The following DDX60L variants were observed in gnomAD, a reference collection of about 807,000 sequenced individuals.
DDX60L encodes DExD/H-box 60 like.
Under a neutral mutation model 211.6 loss-of-function variants are expected in DDX60L, and 191 were observed. The observed-to-expected ratio is 0.90, with a 90% CI of 0.80 to 1.02. The LOEUF (loss-of-function observed/expected upper bound fraction) is 1.02. Ranked by LOEUF, DDX60L falls within the 50% of genes least tolerant of loss-of-function variation. DDX60L has a pLI of 0.00. For synonymous variants in DDX60L, 706 were observed against 694.1 expected (o/e 1.02, Z -0.27); for missense variants, 2,007 against 1,984.1 (o/e 1.01, Z -0.22).
rs1171747891 is a variant in DDX60L at position 168,432,585 on chromosome 4, A to G, written c.1401-15T>C. On this transcript the variant is annotated splice_polypyrimidine_tract_variant and intron_variant, in intron 11 of 37. Coordinates refer to ENST00000682922, the MANE Select transcript of DDX60L (RefSeq NM_001012967.3). The stretch of plus-strand genomic sequence containing the variant: ...CCGGATCATCACTGTAAAAATAAAT[A>G]CATAATTTTTTTAAATTTTAAGCTT... The G allele has an allele frequency of 1.4e-6, 2 of 1,453,464 alleles. No homozygotes were observed. Among genetic ancestry groups the G allele is most frequent in the Non-Finnish European group, 1.8e-6 (2 of 1,083,190 alleles). The allele number at this position is 1,453,464 out of a possible 1,614,324, so 90.0% of individuals were successfully genotyped here. A position where few individuals can be genotyped will look rare whatever the true frequency, so the allele number is the denominator to read the frequency against.
chr4:168,402,208 G>T (rs1222442351), intron 25 of DDX60L, among the ~76,000 whole-genome samples: 1 of 146,314 alleles, frequency 6.8e-6, no homozygotes, highest in Non-Finnish European at 1.5e-5. Context: ...GCTCACTGAA[G>T]CAGAGGCTAT....
intron 1 of DDX60L, among the ~76,000 whole-genome samples, chr4:168,478,266 T>G (rs1254901040): frequency 6.6e-6 from 1 of 151,462 alleles, no homozygotes; most frequent in Non-Finnish European, 1.5e-5. Flanking sequence ...GACTTAGCCT[T>G]GCTGCAAGTA....
rs201465049 is a variant in DDX60L, at chr4:168,373,650, T to C, written c.4776+16A>G. The C allele has an allele frequency of 3.7e-6, 6 of 1,611,034 alleles. No homozygotes were observed. The African/African-American group carries it at 4.0e-5, about 11-fold the overall frequency. Reference sequence around the variant, plus strand: ...TGTTAAACACATTTTGTACATAAGATGTATCCTTCACTTACCTGGTTGATA... The same window carrying C: ...TGTTAAACACATTTTGTACATAAGACGTATCCTTCACTTACCTGGTTGATA... On this transcript the variant is annotated intron_variant, in intron 35 of 37. Transcript: ENST00000682922.
At position 168,415,640 on chromosome 4, in the gene DDX60L, A is replaced by T. The variant is rs1749426767; in HGVS notation, c.2869+17T>A. On this transcript the variant is annotated intron_variant, in intron 21 of 37. Transcript: ENST00000682922. ...AATATAAAAATATATAGTAAAACATAAAAAAAATAAGCTTACCAAGTCTAA... is the reference window on the plus strand; with the variant it reads ...AATATAAAAATATATAGTAAAACATTAAAAAAATAAGCTTACCAAGTCTAA... 1.3e-6 allele frequency: 2 copies of T among 1,500,482 alleles called. No homozygotes were observed. The highest frequency in any genetic ancestry group is 1.8e-6 in the Non-Finnish European group (2 of 1,113,362). 92.9% of individuals were successfully genotyped at this position (1,500,482 alleles called of 1,614,324 possible).
At chr4:168,413,786 C>T (rs1749072553) in intron 22 of DDX60L, among the ~76,000 whole-genome samples, 1 of 151,954 alleles carries the variant, frequency 6.6e-6, no homozygotes, top group Admixed American at 6.6e-5. Context: ...CTTAAAGGGG[C>T]TTAAAACCCC....
intron 17 of DDX60L, among the ~76,000 whole-genome samples, chr4:168,421,021 AT>A (rs756999747): frequency 6.6e-5 from 10 of 152,052 alleles, no homozygotes; most frequent in Non-Finnish European, 1.5e-4. Flanking sequence ...ACACAAAGAG[AT>A]TTTTCTGTTG....
rs758147358 is a variant in DDX60L, at chr4:168,384,788, C to G, written c.3940G>C (p.Gly1314Arg). The G allele has an allele frequency of 5.6e-6, 9 of 1,613,342 alleles. No homozygotes were observed. Among genetic ancestry groups the G allele is most frequent in the Non-Finnish European group, 7.6e-6 (9 of 1,179,644 alleles). ...RQMSGRAGRR[G>R]QDLLGNVYFF... ...TACACATTTCCAAGCAGGTCTTGAC[C>G]TCTTCTTCCAGCACGACCAGACATC... is the stretch of plus-strand genomic sequence containing the variant. The change falls in exon 30 of 38, where the codon GGT (glycine) becomes CGT (arginine). Residue 1314 changes from glycine to arginine, a missense_variant. By Grantham distance (125) the Gly-to-Arg change is moderately radical. Coordinates refer to ENST00000682922, the MANE Select transcript of DDX60L (RefSeq NM_001012967.3).
chr4:168,380,725 A>G (rs1742794841), intron 30 of DDX60L: 1 of 152,238 alleles, frequency 6.6e-6, no homozygotes, highest in Non-Finnish European at 1.5e-5. Flanking sequence ...TTGGAACTGC[A>G]TAGTGGACAG....
intron 7 of DDX60L, 72 bp downstream of exon 7, chr4:168,455,967 C>G: frequency 9.9e-7 from 1 of 1,014,584 alleles, no homozygotes; most frequent in Non-Finnish European, 1.4e-6. Context: ...CCTGATGCCA[C>G]CAGTGAAGTT....
chr4:168,409,766 A>G (rs575281766), intron 22 of DDX60L, among the ~76,000 whole-genome samples: 1 of 152,350 alleles, frequency 6.6e-6, no homozygotes, highest in East Asian at 1.9e-4. Context: ...TATTTAGTAT[A>G]ACACTATGAT....
chr4:168,461,029 G>C (rs1227851687), intron 5 of DDX60L, among the ~76,000 whole-genome samples: 1 of 152,156 alleles, frequency 6.6e-6, no homozygotes, highest in Non-Finnish European at 1.5e-5. Context: ...CACCCTCCCA[G>C]GACTTCCCAA....
chr4:168,417,000 C>T (rs1462043269), intron 19 of DDX60L, among the ~76,000 whole-genome samples: 1 of 152,178 alleles, frequency 6.6e-6, no homozygotes, highest in African/African-American at 2.4e-5. Flanking sequence ...TTAATTCCTA[C>T]AGATTCCAAT....
intron 22 of DDX60L, among the ~76,000 whole-genome samples, chr4:168,407,881 A>G (rs1459884653): frequency 6.6e-6 from 1 of 152,100 alleles, no homozygotes; most frequent in Non-Finnish European, 1.5e-5. Flanking sequence ...TGTCTTCAAG[A>G]TTGTGGTGAG....
At chr4:168,475,182 T>C (rs1251234321) in intron 1 of DDX60L, among the ~76,000 whole-genome samples, 3 of 152,198 alleles carry the variant, frequency 2.0e-5, no homozygotes, top group Non-Finnish European at 4.4e-5. Context: ...CTGTTTCCTG[T>C]CTGCGAATTT....
intron 17 of DDX60L, among the ~76,000 whole-genome samples, 181 bp downstream of exon 17, chr4:168,421,579 C>A (rs547512683): frequency 8.5e-4 from 130 of 152,210 alleles, no homozygotes; most frequent in Middle Eastern, 6.8e-3. Flanking sequence ...CACTTGAACA[C>A]GGGAGGTGGA....
intron 20 of DDX60L, 148 bp from the exon 21 acceptor site, chr4:168,415,947 T>A: frequency 1.5e-6 from 1 of 668,862 alleles, no homozygotes; most frequent in Non-Finnish European, 2.3e-6. Flanking sequence ...TTCAGAGCTG[T>A]GGACTTTGGG....
intron 8 of DDX60L, among the ~76,000 whole-genome samples, chr4:168,449,637 C>T (rs201961769): frequency 2.2e-5 from 1 of 44,846 alleles, no homozygotes; most frequent in Non-Finnish European, 3.7e-5. Flanking sequence ...AACATTAAAA[C>T]AAAAAAAAAA....
At chr4:168,451,415 T>C (rs912520413) in intron 8 of DDX60L, among the ~76,000 whole-genome samples, 2 of 152,258 alleles carry the variant, frequency 1.3e-5, no homozygotes, top group African/African-American at 2.4e-5. Flanking sequence ...ATCCATACAG[T>C]TGGCCTAGCC....
In DDX60L at chr4:168,430,565, C is replaced by T. The variant is rs776679145; in HGVS notation, c.1590G>A (p.Ser530=). Residue 530 remains serine, a synonymous_variant, in exon 13 of 38, where the codon TCG becomes TCA. Coordinates refer to ENST00000682922, the MANE Select transcript of DDX60L (RefSeq NM_001012967.3). ...TGACTTTCGTAGAGATTGATTCTAA[C>T]GATTTCCCATAAAATTGCTGATAAT... is the stretch of plus-strand genomic sequence containing the variant. The part of the protein sequence containing the change: ...IQDYQQFYGK[S]LESISTKVIV... 18 of 1,607,178 alleles carry T rather than the reference C, an allele frequency of 1.1e-5. No individual in the cohort carries two copies. Among genetic ancestry groups the T allele is most frequent in the Middle Eastern group, 1.6e-4 (1 of 6,080 alleles).
Sources: allele counts gnomAD v4.1 joint callset (sites outside exome capture counted in the v4.1 genomes callset), GRCh38; gene constraint gnomAD v4.1.1; transcripts MANE v1.5; gene names NCBI Gene and HGNC (gene_info 2026-07-23, HGNC 2026-07-21).